KLF8: variants seen among roughly 807,000 people sequenced by gnomAD.
KLF8 encodes the protein Krueppel-like factor 8.
In KLF8, 10 loss-of-function variants were observed where a neutral mutation model predicts 18.2. The ratio of observed to expected loss-of-function variants is 0.55; its 90% CI spans 0.34 to 0.93. The LOEUF (loss-of-function observed/expected upper bound fraction) is 0.93, where lower values mean the gene tolerates loss of function less well. Ranked by LOEUF, KLF8 falls within the 40% of genes least tolerant of loss-of-function variation. KLF8 has a pLI of 0.02. For missense variants in KLF8, 264 were observed against 277.9 expected, an observed-to-expected ratio of 0.95 and a Z score of 0.36; for synonymous variants, 109 against 97.3, an observed-to-expected ratio of 1.12 and a Z score of -0.71.
chrX:56,136,561 C>T, the KLF8 span, among the ~76,000 whole-genome samples: 1 of 111,611 alleles, frequency 9.0e-6, no homozygotes. Flanking sequence ...ATTTAGGAAG[C>T]TGAAACTGGA....
the KLF8 span, among the ~76,000 whole-genome samples, chrX:55,998,427 G>A: frequency 8.9e-6 from 1 of 112,653 alleles, no homozygotes; most frequent in Admixed American, 9.3e-5. Context: ...CCTAGGCAGA[G>A]GTCCCTGCGG....
rs1191502167 is a variant in KLF8, at chrX:56,248,098, TGTC to T, written c.8-2130_8-2128del. On this transcript the variant is annotated intron_variant, in intron 1 of 5. Transcript: ENST00000468660. ...CTCTGTTATAATTGTATAGAATCAT[TGTC>T]GTATCTATGAGAACACTTGGACACA... Among the ~76,000 whole-genome samples, 7 of 110,681 alleles carry T rather than the reference TGTC, an allele frequency of 6.3e-5. No homozygotes were observed. In the East Asian group the frequency reaches 2.0e-3, roughly 31 times the overall value.
At chrX:56,104,501 A>C in the KLF8 span, among the ~76,000 whole-genome samples, 1 of 111,652 alleles carries the variant, frequency 9.0e-6, no homozygotes, top group African/African-American at 3.3e-5. Context: ...GTTTATTTGC[A>C]TAGAGGTGTT....
the KLF8 span, among the ~76,000 whole-genome samples, chrX:55,945,469 T>C: frequency 2.6e-4 from 29 of 110,618 alleles, no homozygotes; most frequent in African/African-American, 8.9e-4. Context: ...GTAGTCTAAG[T>C]CTCTTTGTAG....
chrX:55,944,834 G>A, the KLF8 span, among the ~76,000 whole-genome samples: 91 of 111,111 alleles, frequency 8.2e-4, no homozygotes, highest in African/African-American at 3.0e-3. Flanking sequence ...ATTTCCTTCA[G>A]TTCTGCTGTG....
the KLF8 span, among the ~76,000 whole-genome samples, chrX:56,080,665 C>A: frequency 1.8e-5 from 2 of 110,898 alleles, no homozygotes; most frequent in African/African-American, 6.6e-5. Context: ...TTGTGGCATT[C>A]TCTGTATTTC....
chrX:56,077,876 T>A, the KLF8 span, among the ~76,000 whole-genome samples: 1 of 110,166 alleles, frequency 9.1e-6, no homozygotes, highest in Non-Finnish European at 1.9e-5. Flanking sequence ...TAAGTTGAAT[T>A]CCTAGGTATT....
chrX:56,050,113 AT>A, the KLF8 span, among the ~76,000 whole-genome samples: 1 of 109,408 alleles, frequency 9.1e-6, no homozygotes, highest in East Asian at 2.9e-4. Flanking sequence ...CGGTGGTGAT[AT>A]CCCCTTTATC....
chrX:56,162,320 T>G, the KLF8 span, among the ~76,000 whole-genome samples: 2 of 112,203 alleles, frequency 1.8e-5, no homozygotes, highest in Non-Finnish European at 3.8e-5. Flanking sequence ...CATTTAATTC[T>G]GCAGAGTTTT....
chrX:56,171,516 C>T, the KLF8 span, among the ~76,000 whole-genome samples: 1 of 110,730 alleles, frequency 9.0e-6, no homozygotes, highest in African/African-American at 3.3e-5. Context: ...AATGTTATCC[C>T]TCCCCCTCCC....
the KLF8 span, among the ~76,000 whole-genome samples, chrX:56,116,417 G>A: frequency 9.0e-6 from 1 of 111,249 alleles, no homozygotes; most frequent in Non-Finnish European, 1.9e-5. Context: ...TAATTCTGAA[G>A]TCTTTTCACC....
At chrX:56,200,408 G>C in the KLF8 span, among the ~76,000 whole-genome samples, 1 of 110,289 alleles carries the variant, frequency 9.1e-6, no homozygotes, top group African/African-American at 3.3e-5. Context: ...ATTAAATGGT[G>C]TTGGGAAAAT....
At chrX:56,098,593 A>G in the KLF8 span, among the ~76,000 whole-genome samples, 1 of 111,546 alleles carries the variant, frequency 9.0e-6, no homozygotes, top group Non-Finnish European at 1.9e-5. Context: ...CCTCAACTCA[A>G]TAAAGGCTGT....
chrX:56,277,716 GT>G (rs1344449895), intron 5 of KLF8, among the ~76,000 whole-genome samples: 1 of 112,589 alleles, frequency 8.9e-6, no homozygotes, highest in Admixed American at 9.4e-5. Flanking sequence ...GAAGCAAGCC[GT>G]ACTTATGTCT....
the KLF8 span, among the ~76,000 whole-genome samples, chrX:56,133,529 C>A: frequency 3.6e-5 from 4 of 111,574 alleles, no homozygotes; most frequent in Non-Finnish European, 7.5e-5. Flanking sequence ...GTAATAAAGT[C>A]CACCTATGAC....
chrX:56,018,721 C>T, the KLF8 span, among the ~76,000 whole-genome samples: 1 of 110,654 alleles, frequency 9.0e-6, no homozygotes, highest in Admixed American at 9.7e-5. Context: ...AAAAAATTGC[C>T]ATTTTTGTAG....
At chrX:56,132,843 GCA>G in the KLF8 span, among the ~76,000 whole-genome samples, 1 of 111,268 alleles carries the variant, frequency 9.0e-6, no homozygotes, top group African/African-American at 3.3e-5. Context: ...ATTACAACCA[GCA>G]CCATAGAAAT....
chrX:55,977,819 C>T, the KLF8 span, among the ~76,000 whole-genome samples: 1 of 111,132 alleles, frequency 9.0e-6, no homozygotes, highest in East Asian at 2.8e-4. Context: ...AGAGTAGAAG[C>T]AGGGAGACCT....
At chrX:55,916,414 C>T in the KLF8 span, among the ~76,000 whole-genome samples, 46 of 111,851 alleles carry the variant, frequency 4.1e-4, no homozygotes, top group African/African-American at 1.5e-3. Context: ...CTAGTCCTTT[C>T]CTGTAGTGAA....
Sources: gnomAD v4.1 joint callset for allele counts (sites outside exome capture counted in the v4.1 genomes callset) on GRCh38, gnomAD v4.1.1 for gene constraint, MANE v1.5 for transcripts, NCBI Gene and HGNC (gene_info 2026-07-23, HGNC 2026-07-21) for gene names.